The following KCNN2 variants were observed in gnomAD, a reference collection of about 807,000 sequenced individuals.
KCNN2 encodes the protein small conductance calcium-activated potassium channel protein 2.
A neutral mutation model predicts 55.5 loss-of-function variants in KCNN2; 24 were observed. That is an observed-to-expected ratio of 0.43 (90% CI 0.31 to 0.61). The LOEUF is 0.61. KCNN2 is among the 20% of genes least tolerant of loss of function. The pLI is 0.08. For synonymous variants in KCNN2, 431 were observed against 336.1 expected, an observed-to-expected ratio of 1.28 and a Z score of -3.09; for missense variants, 754 against 853.6, an observed-to-expected ratio of 0.88 and a Z score of 1.45.
chr5:114,394,973 A>G (rs1758572630), intron 2 of KCNN2, among the ~76,000 whole-genome samples: 1 of 152,200 alleles, frequency 6.6e-6, no homozygotes, highest in African/African-American at 2.4e-5. Flanking sequence ...TAACAAATAT[A>G]TGACTAAAAT....
rs142706586 is a variant in KCNN2 at position 114,166,310 on chromosome 5, A to G, written c.-270-55170A>G. ...TATTTACTCCATAACAACCAAGAAC[A>G]GCTGGACAAAGTTACACAGTAGAGC... On this transcript the variant is annotated intron_variant, in intron 1 of 10. Coordinates refer to the KCNN2 transcript ENST00000512097. 2.8e-3 allele frequency among the ~76,000 whole-genome samples: 434 copies of G among 152,306 alleles called. 1 individual carries two copies. The highest frequency in any genetic ancestry group is 0.01 in the African/African-American group (417 of 41,582).
chr5:114,266,675 G>A lies in KCNN2; in HGVS notation c.-185+45110G>A, dbSNP rs115518498. Among the ~76,000 whole-genome samples the A allele has an allele frequency of 5.1e-3, 775 of 152,302 alleles. 4 individuals carry two copies. Among genetic ancestry groups the A allele is most frequent in the Admixed American group, 0.014 (209 of 15,292 alleles). ...GCTACAAGAAATCCTGGGACTGGGA[G>A]TGGGGAGGCTGGTCTACAAAAGATT... is the stretch of plus-strand genomic sequence containing the variant. On this transcript the variant is annotated intron_variant, in intron 2 of 10. Coordinates refer to the KCNN2 transcript ENST00000512097.
intron 1 of KCNN2, among the ~76,000 whole-genome samples, chr5:114,118,733 G>T (rs911543628): frequency 3.3e-5 from 5 of 152,080 alleles, no homozygotes; most frequent in African/African-American, 7.2e-5. Context: ...GGCCCAGTCA[G>T]GTTGACACAT....
chr5:114,435,839 A>G (rs1759985355), intron 3 of KCNN2, among the ~76,000 whole-genome samples: 1 of 152,238 alleles, frequency 6.6e-6, no homozygotes, highest in South Asian at 2.1e-4. Context: ...CTGCTTCTAA[A>G]GTGAAACTAT....
chr5:114,315,966 G>A (rs1756492796), intron 2 of KCNN2, among the ~76,000 whole-genome samples: 1 of 92,826 alleles, frequency 1.1e-5, no homozygotes, highest in Admixed American at 1.1e-4. Flanking sequence ...GAGTTGGAAG[G>A]AGGCAAAAAA....
chr5:114,148,024 G>C (rs181723711), intron 1 of KCNN2, among the ~76,000 whole-genome samples: 5 of 152,092 alleles, frequency 3.3e-5, no homozygotes, highest in African/African-American at 1.2e-4. Context: ...AAAATCTGTC[G>C]AATAGATTGT....
At chr5:114,106,875 T>C (rs1432084580) in intron 1 of KCNN2, among the ~76,000 whole-genome samples, 1 of 152,040 alleles carries the variant, frequency 6.6e-6, no homozygotes, top group Non-Finnish European at 1.5e-5. Context: ...TTTTAATTTT[T>C]AATGAGGTCC....
At chr5:114,081,406 A>T (rs1234685941) in intron 1 of KCNN2, among the ~76,000 whole-genome samples, 1 of 152,208 alleles carries the variant, frequency 6.6e-6, no homozygotes, top group Non-Finnish European at 1.5e-5. Flanking sequence ...AAGCTGTAGT[A>T]ATCAAAACAG....
At chr5:114,424,840 C>G (rs1316744737) in intron 3 of KCNN2, among the ~76,000 whole-genome samples, 2 of 152,190 alleles carry the variant, frequency 1.3e-5, no homozygotes, top group East Asian at 3.9e-4. Context: ...ACAATATACA[C>G]TGAACACAGG....
intron 1 of KCNN2, among the ~76,000 whole-genome samples, chr5:114,150,760 A>C (rs1752504390): frequency 6.6e-6 from 1 of 152,176 alleles, no homozygotes; most frequent in South Asian, 2.1e-4. Flanking sequence ...AGTGGCTTAC[A>C]CCTGGAATCC....
chr5:114,363,327 C>T (rs999111020), intron 1 of KCNN2, 66 bp downstream of exon 1: 38 of 1,467,242 alleles, frequency 2.6e-5, no homozygotes, highest in Non-Finnish European at 3.4e-5. Flanking sequence ...TGGGCACTGG[C>T]GGGGACCCTT....
intron 1 of KCNN2, among the ~76,000 whole-genome samples, chr5:114,140,392 G>T (rs993389531): frequency 6.6e-6 from 1 of 152,124 alleles, no homozygotes; most frequent in Non-Finnish European, 1.5e-5. Context: ...CCCACCTGCT[G>T]TCTCTGATCT....
chr5:114,450,120 T>G (rs558246721), intron 3 of KCNN2, among the ~76,000 whole-genome samples: 1 of 152,310 alleles, frequency 6.6e-6, no homozygotes, highest in East Asian at 1.9e-4. Flanking sequence ...TGAGGTGCCG[T>G]GCATCCGTCA....
At chr5:114,202,251 C>G (rs1307128364) in intron 1 of KCNN2, among the ~76,000 whole-genome samples, 3 of 151,954 alleles carry the variant, frequency 2.0e-5, no homozygotes, top group Non-Finnish European at 4.4e-5. Flanking sequence ...TTAGGCAGCT[C>G]TGTATGCCAG....
At chr5:114,487,523 CAT>C (rs1332279040) in intron 6 of KCNN2, among the ~76,000 whole-genome samples, 1 of 152,150 alleles carries the variant, frequency 6.6e-6, no homozygotes, top group Non-Finnish European at 1.5e-5. Flanking sequence ...TAGCTTCAAA[CAT>C]ATTTATATGA....
intron 1 of KCNN2, among the ~76,000 whole-genome samples, chr5:114,182,982 A>T (rs1283458826): frequency 7.2e-5 from 11 of 152,230 alleles, no homozygotes; most frequent in Non-Finnish European, 7.4e-5. Context: ...CATTAAATAA[A>T]ATGTTAGCTG....
At chr5:114,260,082 A>G (rs1437816432) in intron 2 of KCNN2, among the ~76,000 whole-genome samples, 1 of 152,096 alleles carries the variant, frequency 6.6e-6, no homozygotes, top group African/African-American at 2.4e-5. Flanking sequence ...TTATCTTTAC[A>G]CCATCTCCAC....
intron 1 of KCNN2, among the ~76,000 whole-genome samples, chr5:114,069,628 G>A (rs1218248065): frequency 6.6e-6 from 1 of 152,090 alleles, no homozygotes; most frequent in Non-Finnish European, 1.5e-5. Context: ...GGTATAGGAC[G>A]AAAGTCTCAA....
intron 2 of KCNN2, among the ~76,000 whole-genome samples, chr5:114,392,929 T>G (rs1338658638): frequency 6.6e-6 from 1 of 151,812 alleles, no homozygotes; most frequent in Non-Finnish European, 1.5e-5. Context: ...GGGGCCATGA[T>G]CCCAAAAATG....
Sources: allele counts gnomAD v4.1 joint callset (sites outside exome capture counted in the v4.1 genomes callset), GRCh38; gene constraint gnomAD v4.1.1; transcripts MANE v1.5; gene names NCBI Gene and HGNC (gene_info 2026-07-23, HGNC 2026-07-21).